The following GBX1 variants were observed in gnomAD, a reference collection of about 807,000 sequenced individuals.
GBX1 encodes gastrulation brain homeobox 1.
In GBX1, 9 loss-of-function variants were observed where a neutral mutation model predicts 22.9. That is an observed-to-expected ratio of 0.39 (90% confidence interval 0.24 to 0.69). The LOEUF (loss-of-function observed/expected upper bound fraction) is 0.69. Among genes scored for constraint, GBX1 ranks in the 30% least tolerant of loss-of-function variants. The pLI is 0.43. For missense variants in GBX1, 494 were observed against 509.2 expected (o/e 0.97, Z 0.29); for synonymous variants, 203 against 227.3 (o/e 0.89, Z 0.96).
intron 1 of GBX1, among the ~76,000 whole-genome samples, chr7:151,153,549 CTTTT>C (rs35402664): frequency 6.8e-6 from 1 of 146,246 alleles, no homozygotes; most frequent in Non-Finnish European, 1.5e-5. Flanking sequence ...AGAAGCAAAT[CTTTT>C]TTTTTTTTTC....
At chr7:151,164,396 T>C (rs1205925033) in intron 1 of GBX1, among the ~76,000 whole-genome samples, 3 of 152,230 alleles carry the variant, frequency 2.0e-5, no homozygotes, top group African/African-American at 7.2e-5. Context: ...AGTCCCCAAA[T>C]TGATATTATG....
chr7:151,167,354 C>T lies in GBX1; in HGVS notation c.195G>A (p.Pro65=), dbSNP rs1489378521. ...LVLPQALAPA[P]LPAGLPPLAP... Reference sequence around the variant, plus strand: ...CGAGGGGCGGGAGGCCAGCGGGCAGCGGCGCAGGGGCCAGCGCCTGCGGCA... The same window carrying T: ...CGAGGGGCGGGAGGCCAGCGGGCAGTGGCGCAGGGGCCAGCGCCTGCGGCA... The change falls in exon 1 of 2, where the codon CCG becomes CCA. Residue 65 remains proline (P), a synonymous_variant. Transcript: ENST00000297537. The surrounding 1 kb of genome is among the most constrained non-coding windows in gnomAD (Gnocchi z 5.9). 6.6e-7 allele frequency: 1 copy of T among 1,506,456 alleles called. No homozygotes were observed. The highest frequency in any genetic ancestry group is 8.8e-7 in the Non-Finnish European group (1 of 1,130,550). 93.3% of individuals were successfully genotyped at this position (1,506,456 alleles called of 1,614,324 possible). A position where few individuals can be genotyped will look rare whatever the true frequency, so the allele number is the denominator to read the frequency against.
Position 151,148,161 on chromosome 7 carries a change from A to C in GBX1, c.*428T>G, listed in dbSNP as rs1316860855. 6.6e-6 allele frequency among the ~76,000 whole-genome samples: 1 copy of C among 152,170 alleles called. No homozygotes were observed. The highest frequency in any genetic ancestry group is 6.5e-5 in the Admixed American group (1 of 15,276). On this transcript the variant is annotated 3_prime_UTR_variant, in exon 2 of 2. Transcript: ENST00000297537. The surrounding 1 kb of genome is among the most constrained non-coding windows in gnomAD (Gnocchi z 5.1). ...GACGTACAGAGACAGATAGCTCCAT[A>C]TATACACATTTACACAAATAAATAA...
At position 151,167,467 on chromosome 7, in the gene GBX1, C is replaced by T; in HGVS notation, c.82G>A (p.Asp28Asn). The T allele has an allele frequency of 2.0e-6, 3 of 1,510,458 alleles. No homozygotes were observed. Among genetic ancestry groups the T allele is most frequent in the Non-Finnish European group, 2.6e-6 (3 of 1,133,796 alleles). The allele number at this position is 1,510,458 out of a possible 1,614,324, so 93.6% of individuals were successfully genotyped here. Residue 28 changes from aspartate to asparagine, a missense_variant, in exon 1 of 2, where the codon GAC becomes AAC. Physicochemically the swap from Asp to Asn is conservative, Grantham distance 23. This residue lies in a region of GBX1 where 365 missense variants were observed against 340.4 expected (regional missense o/e 1.07). Transcript: ENST00000297537. This position sits in a 1 kb window ranked among gnomAD's most constrained non-coding sequence, Gnocchi z 5.9. ...GGCGGCGGCGGCCCGATTAGGGAGT[C>T]GATGGAGAAGGCAGTGCCCGGGCCC... ...GGGPGTAFSI[D>N]SLIGPPPPRS... is the part of the protein sequence containing the mutation.
chr7:151,166,036 T>A (rs756767143), intron 1 of GBX1, among the ~76,000 whole-genome samples: 10 of 152,194 alleles, frequency 6.6e-5, no homozygotes, highest in Non-Finnish European at 1.2e-4. Context: ...TTGCAAGTGG[T>A]GCCTATTTTT....
At position 151,148,429 on chromosome 7, in the gene GBX1, G is replaced by A. The variant is rs1801037858; in HGVS notation, c.*160C>T. Among the ~76,000 whole-genome samples the A allele has an allele frequency of 6.6e-6, 1 of 152,174 alleles. No homozygotes were observed. The highest frequency in any genetic ancestry group is 2.4e-5 in the African/African-American group (1 of 41,432). On this transcript the variant is annotated 3_prime_UTR_variant, in exon 2 of 2. Coordinates refer to ENST00000297537, the MANE Select transcript of GBX1 (RefSeq NM_001098834.3). The surrounding 1 kb of genome is among the most constrained non-coding windows in gnomAD (Gnocchi z 5.1). Reference sequence around the variant, plus strand: ...CAAGTGCTCACATCTCAGGTTCTGGGAGGAGTCTGGGAAGAGCACACCCAG... The same window carrying A: ...CAAGTGCTCACATCTCAGGTTCTGGAAGGAGTCTGGGAAGAGCACACCCAG...
rs941507279 is a variant in GBX1 at position 151,148,637 on chromosome 7, A to C, written c.1044T>G (p.Phe348Leu). ...VVPIPVHVNR[F>L]AVRSQHQQME... ...TTTGTTGGTGCTGGCTCCGCACAGCAAACCTGTTGACATGCACAGGTATGG... is the reference window on the plus strand; with the variant it reads ...TTTGTTGGTGCTGGCTCCGCACAGCCAACCTGTTGACATGCACAGGTATGG... Residue 348 changes from phenylalanine to leucine, a missense_variant, in exon 2 of 2, where the codon TTT becomes TTG. This residue lies in a region of GBX1 where 124 missense variants were observed against 152.0 expected (regional missense o/e 0.82). Transcript: ENST00000297537. The surrounding 1 kb of genome is among the most constrained non-coding windows in gnomAD (Gnocchi z 5.1). 4.3e-6 allele frequency: 7 copies of C among 1,613,876 alleles called. No homozygotes were observed. The highest frequency in any genetic ancestry group is 5.1e-6 in the Non-Finnish European group (6 of 1,180,008).
At position 151,157,414 on chromosome 7, in the gene GBX1, C is replaced by T. The variant is rs149714009; in HGVS notation, c.539-8272G>A. Among the ~76,000 whole-genome samples, 228 of 152,338 alleles carry T rather than the reference C, an allele frequency of 1.5e-3. 2 individuals carry two copies. Among genetic ancestry groups the T allele is most frequent in the African/African-American group, 5.2e-3 (217 of 41,564 alleles). ...ATAGGTATCAGAGCAAACAGAAAGCCTCACTGAGCGATGGAAATTTTTGTA... is the reference window on the plus strand; with the variant it reads ...ATAGGTATCAGAGCAAACAGAAAGCTTCACTGAGCGATGGAAATTTTTGTA... On this transcript the variant is annotated intron_variant, in intron 1 of 1. Transcript: ENST00000297537.
At chr7:151,165,059 G>C (rs566549597) in intron 1 of GBX1, among the ~76,000 whole-genome samples, 1 of 151,730 alleles carries the variant, frequency 6.6e-6, no homozygotes, top group African/African-American at 2.4e-5. Flanking sequence ...TTTTCATTTA[G>C]TCCAGTCCAG....
At position 151,148,489 on chromosome 7, in the gene GBX1, C is replaced by T; in HGVS notation, c.*100G>A. 2 of 1,167,468 alleles carry T rather than the reference C, an allele frequency of 1.7e-6. No homozygotes were observed. The highest frequency in any genetic ancestry group is 2.4e-6 in the Non-Finnish European group (2 of 830,552). 72.3% of individuals were successfully genotyped at this position (1,167,468 alleles called of 1,614,324 possible). ...AATTGCCAACTAGCCCCTCTCAAGG[C>T]AGAATCACAGTTGCAGCCCCTCTGG... is the stretch of plus-strand genomic sequence containing the variant. On this transcript the variant is annotated 3_prime_UTR_variant, in exon 2 of 2. Coordinates refer to ENST00000297537, the MANE Select transcript of GBX1 (RefSeq NM_001098834.3). The surrounding 1 kb of genome is among the most constrained non-coding windows in gnomAD (Gnocchi z 5.1).
chr7:151,149,351 A>G (rs1201618162), intron 1 of GBX1, among the ~76,000 whole-genome samples: 2 of 152,174 alleles, frequency 1.3e-5, no homozygotes, highest in Non-Finnish European at 2.9e-5. Flanking sequence ...AGGGAAAACA[A>G]AGAAATGGGA....
chr7:151,155,390 T>C (rs966796517), intron 1 of GBX1, among the ~76,000 whole-genome samples: 4 of 152,230 alleles, frequency 2.6e-5, no homozygotes, highest in Non-Finnish European at 5.9e-5. Flanking sequence ...ATTATTTCTC[T>C]GTTCTTTTCA....
At chr7:151,157,056 G>A (rs1344356746) in intron 1 of GBX1, among the ~76,000 whole-genome samples, 1 of 149,526 alleles carries the variant, frequency 6.7e-6, no homozygotes, top group Non-Finnish European at 1.5e-5. Context: ...CCAGCACTTT[G>A]GGAGGCTGAG....
chr7:151,167,149 GGGCGGCAGT>G lies in GBX1; in HGVS notation c.391_399del (p.Thr131_Ala133del). 6.3e-7 allele frequency: 1 copy of G among 1,599,108 alleles called. No homozygotes were observed. The highest frequency in any genetic ancestry group is 2.3e-5 in the East Asian group (1 of 43,820). ...CGGCCGCCTGGCTCGGGGTTGTTTC[GGGCGGCAGT>G]GGCGGCGGCGGCGGCAGCGGCGGCG... On this transcript the variant is annotated inframe_deletion, in exon 1 of 2. Coordinates refer to ENST00000297537, the MANE Select transcript of GBX1 (RefSeq NM_001098834.3). This position sits in a 1 kb window ranked among gnomAD's most constrained non-coding sequence, Gnocchi z 5.9.
In GBX1 at chr7:151,166,992, G is replaced by A; in HGVS notation, c.538+19C>T. 6.2e-7 allele frequency: 1 copy of A among 1,601,314 alleles called. No individual in the cohort carries two copies. Among genetic ancestry groups the A allele is most frequent in the Non-Finnish European group, 8.5e-7 (1 of 1,175,178 alleles). On this transcript the variant is annotated intron_variant, in intron 1 of 1. Transcript: ENST00000297537. Reference sequence around the variant, plus strand: ...GGTGAACCGGCCTCCCGCCAGCCCTGGTCGGCCCTAGCACTTACCGGGCAG... The same window carrying A: ...GGTGAACCGGCCTCCCGCCAGCCCTAGTCGGCCCTAGCACTTACCGGGCAG...
intron 1 of GBX1, among the ~76,000 whole-genome samples, chr7:151,161,371 A>C (rs894700866): frequency 1.9e-4 from 29 of 152,044 alleles, no homozygotes; most frequent in African/African-American, 7.0e-4. Context: ...TACTTTCACT[A>C]TGGCACAGGG....
At chr7:151,160,837 C>G (rs1801181439) in intron 1 of GBX1, among the ~76,000 whole-genome samples, 1 of 152,228 alleles carries the variant, frequency 6.6e-6, no homozygotes, top group Admixed American at 6.5e-5. Flanking sequence ...TTTTACTACA[C>G]TCCTAATCCA....
At chr7:151,155,156 GC>G (rs1801120063) in intron 1 of GBX1, among the ~76,000 whole-genome samples, 1 of 152,128 alleles carries the variant, frequency 6.6e-6, no homozygotes, top group African/African-American at 2.4e-5. Context: ...CCTAACACTT[GC>G]CCCAACCACT....
chr7:151,163,098 G>A (rs986727268), intron 1 of GBX1, among the ~76,000 whole-genome samples: 1 of 151,930 alleles, frequency 6.6e-6, no homozygotes, highest in East Asian at 1.9e-4. Context: ...GAGCCACCGC[G>A]CCCAGCTTTC....
Sources: gnomAD v4.1 joint callset for allele counts (sites outside exome capture counted in the v4.1 genomes callset) on GRCh38, gnomAD v4.1.1 for gene constraint, gnomAD v4.1.1 regional missense constraint, Gnocchi (gnomAD v3.1) non-coding constraint, MANE v1.5 for transcripts, NCBI Gene and HGNC (gene_info 2026-07-23, HGNC 2026-07-21) for gene names.